The following TNPO3 variants were observed in gnomAD, a reference collection of about 807,000 sequenced individuals.
TNPO3 encodes the protein transportin-3.
In TNPO3, 65 loss-of-function variants were observed where a neutral mutation model predicts 122.8. The ratio of observed to expected loss-of-function variants is 0.53; its 90% CI spans 0.43 to 0.65. The LOEUF (loss-of-function observed/expected upper bound fraction) is 0.65. TNPO3 is among the 30% of genes least tolerant of loss of function. TNPO3 has a pLI of 0.00. For missense variants in TNPO3, 850 were observed against 1,136.7 expected, an observed-to-expected ratio of 0.75 and a Z score of 3.63; for synonymous variants, 372 against 411.2, an observed-to-expected ratio of 0.90 and a Z score of 1.15.
chr7:129,034,446 C>T (rs528346324), intron 1 of TNPO3, among the ~76,000 whole-genome samples: 22 of 152,082 alleles, frequency 1.4e-4, no homozygotes, highest in African/African-American at 3.4e-4. Context: ...GCAGAGGTTG[C>T]GGTGAGCCAT....
At position 128,955,162 on chromosome 7, in the gene TNPO3, C is replaced by T. The variant is rs1796779644; in HGVS notation, c.*255G>A. On this transcript the variant is annotated 3_prime_UTR_variant, in exon 23 of 23. Coordinates refer to ENST00000265388, the MANE Select transcript of TNPO3 (RefSeq NM_012470.4). ...CACCAGGAAACCAGCTCCCCTCCCA[C>T]CACGCCGGGCAGGCCACAGCCATCT... 3.3e-6 allele frequency: 1 copy of T among 301,828 alleles called. No homozygotes were observed. The highest frequency in any genetic ancestry group is 2.4e-5 in the South Asian group (1 of 41,258). The allele number at this position is 301,828 out of a possible 1,614,324, so 18.7% of individuals were successfully genotyped here. A position where few individuals can be genotyped will look rare whatever the true frequency, so the allele number is the denominator to read the frequency against.
chr7:129,041,346 A>G (rs1807360496), intron 1 of TNPO3, among the ~76,000 whole-genome samples: 1 of 152,210 alleles, frequency 6.6e-6, no homozygotes, highest in Non-Finnish European at 1.5e-5. Flanking sequence ...TGGGTGACAG[A>G]GTGAGATGCT....
At chr7:128,999,553 T>A (rs1801697262) in intron 7 of TNPO3, among the ~76,000 whole-genome samples, 1 of 151,542 alleles carries the variant, frequency 6.6e-6, no homozygotes, top group Non-Finnish European at 1.5e-5. Context: ...CCTTTTCCCA[T>A]CAAGGATCCA....
At chr7:128,994,746 C>T (rs563746867) in intron 8 of TNPO3, among the ~76,000 whole-genome samples, 3 of 152,248 alleles carry the variant, frequency 2.0e-5, no homozygotes, top group Non-Finnish European at 4.4e-5. Flanking sequence ...GCAGCCTTGA[C>T]CTCCTGGGCT....
At chr7:128,976,025 G>A in intron 16 of TNPO3, 90 bp from the exon 17 acceptor site, 2 of 893,324 alleles carry the variant, frequency 2.2e-6, no homozygotes, top group Non-Finnish European at 3.8e-6. Context: ...TTCAGAGATA[G>A]ATTGGCTTCT....
intron 9 of TNPO3, among the ~76,000 whole-genome samples, chr7:128,993,545 T>C (rs541575021): frequency 6.6e-6 from 1 of 152,254 alleles, no homozygotes; most frequent in Non-Finnish European, 1.5e-5. Context: ...GATCTTCTAT[T>C]CCAGCTGTAC....
intron 5 of TNPO3, among the ~76,000 whole-genome samples, chr7:129,004,731 T>A (rs1002541932): frequency 1.1e-4 from 16 of 152,212 alleles, no homozygotes; most frequent in African/African-American, 3.6e-4. Context: ...AATTTTATAT[T>A]TTTAAAACAA....
At position 128,979,000 on chromosome 7, in the gene TNPO3, G is replaced by A; in HGVS notation, c.2044C>T (p.Gln682Ter). 1 of 1,614,166 alleles carries A rather than the reference G, an allele frequency of 6.2e-7. No individual in the cohort carries two copies. The stretch of plus-strand genomic sequence containing the variant: ...AACTTTACCTGTGTGACTAGTGGCT[G>A]CAGCAGTGCTGCAGATCCTTTGCCT... ...CVGKGSAALLQPLVTQMVNVY... is the reference protein window; with the variant it reads ...CVGKGSAALL The change falls in exon 16 of 23, where the codon CAG (glutamine) becomes TAG (stop). Residue 682 changes from glutamine (Q) to a stop codon, truncating the protein, a stop_gained. Coordinates refer to ENST00000265388, the MANE Select transcript of TNPO3 (RefSeq NM_012470.4). LOFTEE classifies it high-confidence loss of function.
At chr7:128,994,080 G>T (rs1227981046) in intron 8 of TNPO3, among the ~76,000 whole-genome samples, 166 bp from the exon 9 acceptor site, 1 of 152,176 alleles carries the variant, frequency 6.6e-6, no homozygotes, top group African/African-American at 2.4e-5. Flanking sequence ...TTCCTAAATT[G>T]TGAGGTATGC....
chr7:129,012,001 T>C (rs1803257069), intron 4 of TNPO3, among the ~76,000 whole-genome samples: 1 of 140,046 alleles, frequency 7.1e-6, no homozygotes, highest in African/African-American at 2.6e-5. Context: ...TTCTTTTTCT[T>C]TCTTTTTTTT....
chr7:129,034,406 T>C (rs960202402), intron 1 of TNPO3, among the ~76,000 whole-genome samples: 1 of 151,846 alleles, frequency 6.6e-6, no homozygotes, highest in Non-Finnish European at 1.5e-5. Context: ...GCAGGAACAC[T>C]GAGGTGGGAG....
At chr7:129,009,413 C>A (rs577321077) in intron 4 of TNPO3, among the ~76,000 whole-genome samples, 2 of 152,218 alleles carry the variant, frequency 1.3e-5, no homozygotes, top group Non-Finnish European at 2.9e-5. Context: ...ATTACAGCCA[C>A]ATGCCTATTT....
Position 129,019,111 on chromosome 7 carries a change from C to T in TNPO3, c.121-954G>A, listed in dbSNP as rs574127599. 4.6e-4 allele frequency among the ~76,000 whole-genome samples: 70 copies of T among 152,250 alleles called. 1 individual carries two copies. Among genetic ancestry groups the T allele is most frequent in the Non-Finnish European group, 5.1e-4 (35 of 68,014 alleles). ...ATGGAAAAATAAACTTATCTATAGA[C>T]ATAATAAAAAGAACCAAAGTATAAA... On this transcript the variant is annotated intron_variant, in intron 1 of 22. Coordinates refer to ENST00000265388, the MANE Select transcript of TNPO3 (RefSeq NM_012470.4).
At chr7:129,020,836 GGTGTT>G (rs1563105346) in intron 1 of TNPO3, among the ~76,000 whole-genome samples, 1 of 152,100 alleles carries the variant, frequency 6.6e-6, no homozygotes, top group Admixed American at 6.5e-5. Context: ...AACAAAACTA[GGTGTT>G]GTCTAGTTAT....
intron 21 of TNPO3, among the ~76,000 whole-genome samples, chr7:128,957,966 T>C (rs1797059184): frequency 6.6e-6 from 1 of 152,046 alleles, no homozygotes; most frequent in African/African-American, 2.4e-5. Context: ...TAGCCCAATA[T>C]TCAACTGACC....
At chr7:129,051,794 C>T (rs181321674) in intron 1 of TNPO3, among the ~76,000 whole-genome samples, 69 of 152,302 alleles carry the variant, frequency 4.5e-4, no homozygotes, top group South Asian at 6.2e-4. Context: ...CAGGTGCGCA[C>T]CACCACGCCC....
chr7:129,049,812 AG>A (rs1462820826), intron 1 of TNPO3, among the ~76,000 whole-genome samples: 1 of 152,070 alleles, frequency 6.6e-6, no homozygotes, highest in Non-Finnish European at 1.5e-5. Context: ...GTGGGGAGGG[AG>A]GATGAGACGA....
At chr7:128,988,370 C>A (rs1040138141) in intron 11 of TNPO3, among the ~76,000 whole-genome samples, 2 of 152,180 alleles carry the variant, frequency 1.3e-5, no homozygotes, top group African/African-American at 4.8e-5. Flanking sequence ...CTGCCTACCT[C>A]CACCAAAAAG....
At chr7:128,981,200 TGAGA>T (rs1486204432) in intron 14 of TNPO3, among the ~76,000 whole-genome samples, 15 of 152,228 alleles carry the variant, frequency 9.9e-5, no homozygotes, top group South Asian at 4.1e-4. Flanking sequence ...TTGCACCAAC[TGAGA>T]GAAAGATATC....
Sources: gnomAD v4.1 joint callset for allele counts (sites outside exome capture counted in the v4.1 genomes callset) on GRCh38, gnomAD v4.1.1 for gene constraint, MANE v1.5 for transcripts, NCBI Gene and HGNC (gene_info 2026-07-23, HGNC 2026-07-21) for gene names.